The following CDH13 variants were observed in gnomAD, a reference collection of about 807,000 sequenced individuals.
The protein encoded by CDH13 is cadherin 13, also known as cadherin-13.
CDH13 carries 24 observed loss-of-function variants against 63.8 expected under a neutral mutation model. The ratio of observed to expected loss-of-function variants is 0.38; its 90% CI spans 0.27 to 0.53. The LOEUF (loss-of-function observed/expected upper bound fraction) is 0.53. CDH13 is among the 20% of genes least tolerant of loss of function. The probability of loss-of-function intolerance (pLI) is 0.85; values close to 1 mark genes in which losing one functional copy is unlikely to be tolerated. For missense variants in CDH13, 1,049 were observed against 903.1 expected (o/e 1.16, Z -2.07); for synonymous variants, 503 against 355.3 (o/e 1.42, Z -4.67).
intron 8 of CDH13, among the ~76,000 whole-genome samples, chr16:83,663,821 G>A (rs11149598): frequency 0.17 from 26,254 of 151,914 alleles, 2,390 homozygotes; most frequent in Middle Eastern, 0.24. Context: ...ACACCACTCC[G>A]CATCTTCAAA....
intron 2 of CDH13, among the ~76,000 whole-genome samples, chr16:82,961,613 C>G (rs796771246): frequency 2.0e-5 from 3 of 149,434 alleles, no homozygotes; most frequent in African/African-American, 7.5e-5. Context: ...GTACTTGGGC[C>G]TTACCCCAGA....
At chr16:82,783,701 T>C (rs11643292) in intron 1 of CDH13, among the ~76,000 whole-genome samples, 45,599 of 152,108 alleles carry the variant, frequency 0.3, 7,445 homozygotes, top group South Asian at 0.45. Flanking sequence ...GCTACATATG[T>C]ATTGCTTTGG....
At position 83,344,804 on chromosome 16, in the gene CDH13, T is replaced by C. The variant is rs899137064; in HGVS notation, c.637-58T>C. On this transcript the variant is annotated intron_variant, in intron 5 of 13. Transcript: ENST00000567109. ...ACCTACTTTCTCTAGAGAACCTTAT[T>C]TGAATTTTCATAATGAATTAATATC... 1.9e-6 allele frequency: 3 copies of C among 1,586,584 alleles called. No individual in the cohort carries two copies. The African/African-American group carries it at 4.0e-5, about 21-fold the overall frequency.
intron 2 of CDH13, among the ~76,000 whole-genome samples, chr16:82,930,262 C>A (rs1352873334): frequency 2.6e-5 from 4 of 152,052 alleles, no homozygotes; most frequent in Non-Finnish European, 5.9e-5. Context: ...CAAGCATGAG[C>A]CGCTACGTCC....
At chr16:82,925,978 C>T (rs975277066) in intron 2 of CDH13, 5 of 152,010 alleles carry the variant, frequency 3.3e-5, no homozygotes, top group African/African-American at 1.2e-4. Context: ...CCAACCAGAG[C>T]CTCTGATCAA....
intron 1 of CDH13, among the ~76,000 whole-genome samples, chr16:82,808,859 T>G (rs961948436): frequency 6.6e-6 from 1 of 152,146 alleles, no homozygotes; most frequent in Admixed American, 6.6e-5. Flanking sequence ...TCATTTAACC[T>G]TTTTACTATT....
intron 12 of CDH13, among the ~76,000 whole-genome samples, chr16:83,782,196 G>T (rs1915575769): frequency 6.6e-6 from 1 of 151,836 alleles, no homozygotes. Flanking sequence ...ATTTAGCCCT[G>T]TTTATTCCCA....
chr16:82,827,486 A>G lies in CDH13; in HGVS notation c.46-30876A>G, dbSNP rs117029936. On this transcript the variant is annotated intron_variant, in intron 1 of 13. Coordinates refer to ENST00000567109, the MANE Select transcript of CDH13 (RefSeq NM_001257.5). ...TGATGCATTTCATGAGGCAGTGATGATGTGAGTCTTGGGCTCTGTAAGTGA... is the reference window on the plus strand; with the variant it reads ...TGATGCATTTCATGAGGCAGTGATGGTGTGAGTCTTGGGCTCTGTAAGTGA... 5.3e-5 allele frequency among the ~76,000 whole-genome samples: 8 copies of G among 152,280 alleles called. No individual in the cohort carries two copies. In the East Asian group the frequency reaches 1.6e-3, roughly 30 times the overall value.
At chr16:83,756,271 G>A (rs1389174251) in intron 11 of CDH13, among the ~76,000 whole-genome samples, 1 of 152,084 alleles carries the variant, frequency 6.6e-6, no homozygotes, top group Non-Finnish European at 1.5e-5. Flanking sequence ...AATGCAAAAT[G>A]TAAACAGATT....
chr16:83,345,117 A>G (rs2090811627), intron 6 of CDH13, 111 bp downstream of exon 6: 1 of 1,258,792 alleles, frequency 7.9e-7, no homozygotes, highest in Admixed American at 2.1e-5. Context: ...AGCTCGTATC[A>G]GCGTCGACTT....
At chr16:83,499,497 C>T (rs997330366) in intron 7 of CDH13, among the ~76,000 whole-genome samples, 1 of 152,228 alleles carries the variant, frequency 6.6e-6, no homozygotes, top group African/African-American at 2.4e-5. Context: ...GCTTGAACAA[C>T]CAGTAACCAT....
chr16:83,634,502 G>T (rs1189476177), intron 8 of CDH13, among the ~76,000 whole-genome samples: 1 of 151,606 alleles, frequency 6.6e-6, no homozygotes, highest in Non-Finnish European at 1.5e-5. Flanking sequence ...CCAGGTTTAA[G>T]CCATTCTCCT....
intron 7 of CDH13, among the ~76,000 whole-genome samples, chr16:83,572,379 G>A (rs1193493101): frequency 1.3e-5 from 2 of 152,108 alleles, no homozygotes; most frequent in Non-Finnish European, 2.9e-5. Flanking sequence ...GACCTCAGGT[G>A]ATCTACCCAT....
chr16:83,502,372 C>T (rs748676052), intron 7 of CDH13, among the ~76,000 whole-genome samples: 4 of 151,878 alleles, frequency 2.6e-5, no homozygotes, highest in East Asian at 1.9e-4. Context: ...GACAGAGCTT[C>T]TGGCATCTAA....
intron 4 of CDH13, among the ~76,000 whole-genome samples, chr16:83,168,145 C>G (rs1421914080): frequency 6.6e-6 from 1 of 151,860 alleles, no homozygotes; most frequent in African/African-American, 2.4e-5. Flanking sequence ...CAGCGCCACA[C>G]AATATACCTA....
intron 1 of CDH13, among the ~76,000 whole-genome samples, chr16:82,768,198 T>G (rs2151092844): frequency 6.6e-6 from 1 of 152,290 alleles, no homozygotes; most frequent in South Asian, 2.1e-4. Context: ...CTCAACTAAA[T>G]TGCAAGCTGA....
chr16:83,651,086 G>A lies in CDH13; in HGVS notation c.1102-19704G>A, dbSNP rs551534895. 1.8e-4 allele frequency among the ~76,000 whole-genome samples: 27 copies of A among 152,130 alleles called. 1 individual carries two copies. The South Asian group carries it at 5.4e-3, about 30-fold the overall frequency. Reference sequence around the variant, plus strand: ...AGTGTATTCCAGCCTGGGCAACAAAGCAAGAGCCTGTCTCAAAAAATAATA... The same window carrying A: ...AGTGTATTCCAGCCTGGGCAACAAAACAAGAGCCTGTCTCAAAAAATAATA... On this transcript the variant is annotated intron_variant, in intron 8 of 13. Coordinates refer to ENST00000567109, the MANE Select transcript of CDH13 (RefSeq NM_001257.5).
intron 2 of CDH13, among the ~76,000 whole-genome samples, chr16:82,980,306 G>A (rs1159420872): frequency 2.6e-5 from 4 of 152,106 alleles, no homozygotes; most frequent in Admixed American, 2.0e-4. Context: ...TTTGTCTGTT[G>A]GTCAAAACTA....
At chr16:83,511,133 C>T (rs1053579968) in intron 7 of CDH13, among the ~76,000 whole-genome samples, 2 of 152,154 alleles carry the variant, frequency 1.3e-5, no homozygotes, top group African/African-American at 2.4e-5. Context: ...CACATGTGCA[C>T]ACATGCACGC....
Sources: allele counts gnomAD v4.1 joint callset (sites outside exome capture counted in the v4.1 genomes callset), GRCh38; gene constraint gnomAD v4.1.1; transcripts MANE v1.5; gene names NCBI Gene and HGNC (gene_info 2026-07-23, HGNC 2026-07-21).